NPAS3: variants seen among roughly 807,000 people sequenced by gnomAD.
The protein encoded by NPAS3 is neuronal PAS domain-containing protein 3.
In NPAS3, 14 loss-of-function variants were observed where a neutral mutation model predicts 73.1. That is an observed-to-expected ratio of 0.19 (90% CI 0.13 to 0.30). The LOEUF is 0.30. Among genes scored for constraint, NPAS3 ranks in the 10% least tolerant of loss-of-function variants. NPAS3 has a pLI of 1.00. For missense variants in NPAS3, 1,096 were observed against 1,250.0 expected (o/e 0.88, Z 1.86); for synonymous variants, 620 against 541.5 (o/e 1.14, Z -2.01).
At chr14:33,536,826 A>G (rs774471507) in intron 4 of NPAS3, among the ~76,000 whole-genome samples, 5 of 152,218 alleles carry the variant, frequency 3.3e-5, no homozygotes, top group Non-Finnish European at 7.3e-5. Context: ...TACAATTCCA[A>G]CTAAAACATA....
At chr14:33,676,967 T>A (rs1369551199) in intron 6 of NPAS3, among the ~76,000 whole-genome samples, 5 of 152,234 alleles carry the variant, frequency 3.3e-5, no homozygotes, top group Non-Finnish European at 7.3e-5. Flanking sequence ...GTGACATTCC[T>A]CATTGGGATT....
intron 2 of NPAS3, among the ~76,000 whole-genome samples, chr14:33,121,434 C>T (rs1197950605): frequency 1.3e-5 from 2 of 152,230 alleles, no homozygotes; most frequent in Non-Finnish European, 2.9e-5. Flanking sequence ...GAGTCTGACT[C>T]CCCCACTAGA....
intron 1 of NPAS3, among the ~76,000 whole-genome samples, chr14:33,046,619 A>G (rs1054829341): frequency 6.6e-6 from 1 of 152,170 alleles, no homozygotes; most frequent in Non-Finnish European, 1.5e-5. Context: ...GGCCAGTTCT[A>G]TATGTGCTAT....
At chr14:33,528,923 A>G (rs1416805597) in intron 4 of NPAS3, among the ~76,000 whole-genome samples, 1 of 151,954 alleles carries the variant, frequency 6.6e-6, no homozygotes, top group Non-Finnish European at 1.5e-5. Context: ...GACCTGAGCA[A>G]CTCAATAATG....
chr14:33,142,074 T>C (rs1264597470), intron 2 of NPAS3, among the ~76,000 whole-genome samples: 1 of 152,078 alleles, frequency 6.6e-6, no homozygotes, highest in East Asian at 1.9e-4. Context: ...GTTAGAACTT[T>C]AGTGATTTTA....
At chr14:33,093,840 A>G (rs777760393) in intron 2 of NPAS3, among the ~76,000 whole-genome samples, 1 of 152,112 alleles carries the variant, frequency 6.6e-6, no homozygotes, top group Non-Finnish European at 1.5e-5. Flanking sequence ...GAAGCTAGAA[A>G]CCATCATTCT....
intron 6 of NPAS3, among the ~76,000 whole-genome samples, chr14:33,726,476 G>A (rs1024616616): frequency 1.3e-5 from 2 of 152,146 alleles, no homozygotes; most frequent in African/African-American, 4.8e-5. Flanking sequence ...TAAGAATCAT[G>A]AGCACGGAGA....
In NPAS3 at chr14:33,507,378, A is replaced by G. The variant is rs150933570; in HGVS notation, c.469-52743A>G. Among the ~76,000 whole-genome samples the G allele has an allele frequency of 6.6e-5, 10 of 152,188 alleles. No individual in the cohort carries two copies. In the East Asian group the frequency reaches 1.6e-3, roughly 24 times the overall value. ...GACTGCCATCTTGTGCAGGAAGTAAAACAGCAGGACATTCAAGTAAAAAAG... is the reference window on the plus strand; with the variant it reads ...GACTGCCATCTTGTGCAGGAAGTAAGACAGCAGGACATTCAAGTAAAAAAG... On this transcript the variant is annotated intron_variant, in intron 4 of 11. Coordinates refer to ENST00000356141, the Ensembl canonical transcript of NPAS3.
chr14:33,480,359 G>A lies in NPAS3; in HGVS notation c.469-79762G>A, dbSNP rs183742083. Among the ~76,000 whole-genome samples, 250 of 152,262 alleles carry A rather than the reference G, an allele frequency of 1.6e-3. 1 individual carries two copies. Among genetic ancestry groups the A allele is most frequent in the African/African-American group, 5.3e-3 (221 of 41,552 alleles). On this transcript the variant is annotated intron_variant, in intron 4 of 11. Coordinates refer to ENST00000356141, the Ensembl canonical transcript of NPAS3. The stretch of plus-strand genomic sequence containing the variant: ...AAAGTCAGTGAGGATTCAGTCATGC[G>A]CTGCTATCATGGCCTTTAGGCAATC...
intron 2 of NPAS3, among the ~76,000 whole-genome samples, chr14:33,180,471 T>C (rs1048866074): frequency 1.3e-5 from 2 of 152,126 alleles, no homozygotes; most frequent in African/African-American, 4.8e-5. Flanking sequence ...GTTCTTAATG[T>C]TGCAAATAAT....
chr14:33,310,539 CAG>C (rs1225136761), intron 3 of NPAS3, among the ~76,000 whole-genome samples: 3 of 152,094 alleles, frequency 2.0e-5, no homozygotes, highest in Non-Finnish European at 4.4e-5. Flanking sequence ...AACATTCAAA[CAG>C]ATTATCAGAT....
intron 4 of NPAS3, among the ~76,000 whole-genome samples, chr14:33,553,208 G>A (rs1325077568): frequency 6.6e-6 from 1 of 152,146 alleles, no homozygotes; most frequent in African/African-American, 2.4e-5. Context: ...CATCCCAGAG[G>A]AAAAAGTCAG....
In NPAS3 at chr14:33,137,448, A is replaced by G. The variant is rs546599491; in HGVS notation, c.141-77734A>G. ...TTATTATTATTTTCTTGAAGCAAGC[A>G]ATCCACCAGGAATTGTAATGTATCT... On this transcript the variant is annotated intron_variant, in intron 2 of 11. Transcript: ENST00000356141. 2.0e-5 allele frequency among the ~76,000 whole-genome samples: 3 copies of G among 152,338 alleles called. No individual in the cohort carries two copies. In the South Asian group the frequency reaches 6.2e-4, roughly 32 times the overall value.
intron 3 of NPAS3, among the ~76,000 whole-genome samples, chr14:33,272,864 G>A (rs184934356): frequency 3.9e-5 from 6 of 152,294 alleles, no homozygotes; most frequent in Admixed American, 3.9e-4. Flanking sequence ...TGACAGTTTT[G>A]CTTAAAAAAG....
intron 2 of NPAS3, among the ~76,000 whole-genome samples, chr14:33,074,176 G>C (rs187194654): frequency 1.1e-4 from 17 of 152,280 alleles, no homozygotes; most frequent in Admixed American, 1.0e-3. Context: ...GGCTGGAATA[G>C]GCAGCCAGAA....
intron 2 of NPAS3, among the ~76,000 whole-genome samples, chr14:33,180,798 C>CTAA (rs1566646824): frequency 3.2e-5 from 1 of 31,558 alleles, no homozygotes; most frequent in Admixed American, 4.3e-4. Context: ...GACACTGTCT[C>CTAA]CAAGAAAAAA....
At chr14:33,096,454 GCTATTTTTTGGACA>G (rs549007621) in intron 2 of NPAS3, among the ~76,000 whole-genome samples, 5 of 152,126 alleles carry the variant, frequency 3.3e-5, no homozygotes, top group Non-Finnish European at 5.9e-5. Flanking sequence ...CAAAAACGAA[GCTATTTTTTGGACA>G]CTAAAGAGAG....
chr14:33,013,188 C>T (rs1251417545), intron 1 of NPAS3, among the ~76,000 whole-genome samples: 1 of 152,192 alleles, frequency 6.6e-6, no homozygotes, highest in African/African-American at 2.4e-5. Context: ...ATGGTTTCAT[C>T]ATACAACAAA....
intron 2 of NPAS3, among the ~76,000 whole-genome samples, chr14:33,174,360 T>C (rs576164478): frequency 1.3e-5 from 2 of 152,234 alleles, no homozygotes; most frequent in Admixed American, 6.5e-5. Flanking sequence ...GGTACGGTTA[T>C]CACTGTGGTA....
Sources: allele counts gnomAD v4.1 joint callset (sites outside exome capture counted in the v4.1 genomes callset), GRCh38; gene constraint gnomAD v4.1.1; transcripts MANE v1.5; gene names NCBI Gene and HGNC (gene_info 2026-07-23, HGNC 2026-07-21).